Variants in GABRG3 observed in about 807,000 individuals in gnomAD.
The protein encoded by GABRG3 is gamma-aminobutyric acid receptor subunit gamma-3.
Under a neutral mutation model 48.8 loss-of-function variants are expected in GABRG3, and 25 were observed. The observed-to-expected ratio is 0.51, with a 90% CI of 0.37 to 0.72. The LOEUF is 0.72. Among genes scored for constraint, GABRG3 ranks in the 30% least tolerant of loss-of-function variants. The pLI is 0.00. For missense variants in GABRG3, 394 were observed against 577.9 expected (o/e 0.68, Z 3.26); for synonymous variants, 227 against 217.6 (o/e 1.04, Z -0.38).
At chr15:27,017,704 G>A (rs1207796865) in intron 2 of GABRG3, among the ~76,000 whole-genome samples, 1 of 152,228 alleles carries the variant, frequency 6.6e-6, no homozygotes, top group Non-Finnish European at 1.5e-5. Context: ...TTCCTACGGG[G>A]ACTTCTGTGT....
In GABRG3 at chr15:27,135,351, G is replaced by A. The variant is rs573131180; in HGVS notation, c.270+108530G>A. Among the ~76,000 whole-genome samples the A allele has an allele frequency of 5.3e-5, 8 of 152,268 alleles. 1 individual carries two copies. Among genetic ancestry groups the A allele is most frequent in the Admixed American group, 4.6e-4 (7 of 15,294 alleles). ...AGAGCTTCTTTGAATGAACATATGAGGGCTAATTTCCTAAGTGGCTGTTCT... is the reference window on the plus strand; with the variant it reads ...AGAGCTTCTTTGAATGAACATATGAAGGCTAATTTCCTAAGTGGCTGTTCT... On this transcript the variant is annotated intron_variant, in intron 3 of 9. Transcript: ENST00000615808.
intron 3 of GABRG3, among the ~76,000 whole-genome samples, chr15:27,292,527 T>G (rs1437839239): frequency 6.6e-6 from 1 of 152,210 alleles, no homozygotes; most frequent in East Asian, 1.9e-4. Context: ...ATTTTAATTA[T>G]GTATAACCAC....
chr15:27,219,498 G>A (rs1425309431), intron 3 of GABRG3, among the ~76,000 whole-genome samples: 1 of 152,170 alleles, frequency 6.6e-6, no homozygotes, highest in Admixed American at 6.5e-5. Flanking sequence ...ACCTGTGATG[G>A]GGCAGCTCAG....
intron 5 of GABRG3, among the ~76,000 whole-genome samples, chr15:27,437,162 T>A (rs1888644022): frequency 6.6e-6 from 1 of 151,896 alleles, no homozygotes; most frequent in South Asian, 2.1e-4. Flanking sequence ...CATGCTAACC[T>A]GTTAAAATTG....
At chr15:27,522,714 A>G (rs8041975) in intron 7 of GABRG3, among the ~76,000 whole-genome samples, 7,805 of 151,924 alleles carry the variant, frequency 0.051, 680 homozygotes, top group African/African-American at 0.18. Flanking sequence ...AGAAATAAAT[A>G]GGAGCATATA....
chr15:27,541,745 C>T lies in GABRG3; in HGVS notation c.*8864C>T, dbSNP rs2150869993. Reference sequence around the variant, plus strand: ...GGCGGTCCCGAGGTCCCGCCGCCCTCCTCCCCTGCGCAGAGGACGTGGCTC... The same window carrying T: ...GGCGGTCCCGAGGTCCCGCCGCCCTTCTCCCCTGCGCAGAGGACGTGGCTC... On this transcript the variant is annotated 3_prime_UTR_variant, in exon 10 of 10. Transcript: ENST00000615808. 6.6e-6 allele frequency: 1 copy of T among 152,392 alleles called. No homozygotes were observed. Among genetic ancestry groups the T allele is most frequent in the African/African-American group, 2.4e-5 (1 of 41,566 alleles). The allele number at this position is 152,392 out of a possible 1,614,324, so 9.4% of individuals were successfully genotyped here.
chr15:27,063,542 T>C (rs1445440348), intron 3 of GABRG3, among the ~76,000 whole-genome samples: 3 of 152,212 alleles, frequency 2.0e-5, no homozygotes, highest in Non-Finnish European at 2.9e-5. Flanking sequence ...GCCCTGACCA[T>C]GTGATGCGCC....
At chr15:27,154,216 G>A (rs1413393714) in intron 3 of GABRG3, among the ~76,000 whole-genome samples, 2 of 152,188 alleles carry the variant, frequency 1.3e-5, no homozygotes, top group Admixed American at 1.3e-4. Context: ...GTGGCATGGT[G>A]TAGCAAGAGG....
chr15:27,538,835 C>T lies in GABRG3; in HGVS notation c.*5954C>T, dbSNP rs1372740757. 2 of 152,116 alleles carry T rather than the reference C, an allele frequency of 1.3e-5. No homozygotes were observed. Among genetic ancestry groups the T allele is most frequent in the Non-Finnish European group, 1.5e-5 (1 of 68,030 alleles). The allele number at this position is 152,116 out of a possible 1,614,324, so 9.4% of individuals were successfully genotyped here. A position where few individuals can be genotyped will look rare whatever the true frequency, so the allele number is the denominator to read the frequency against. On this transcript the variant is annotated 3_prime_UTR_variant, in exon 10 of 10. Transcript: ENST00000615808. Reference sequence around the variant, plus strand: ...CCCAGTTGCCTCACTTACTGAAGTTCGATCCCAGTGAATGATGTGTATGTA... The same window carrying T: ...CCCAGTTGCCTCACTTACTGAAGTTTGATCCCAGTGAATGATGTGTATGTA...
chr15:27,384,772 T>C (rs1895873978), intron 5 of GABRG3, among the ~76,000 whole-genome samples: 1 of 152,176 alleles, frequency 6.6e-6, no homozygotes, highest in South Asian at 2.1e-4. Flanking sequence ...TCATAATATG[T>C]ATCAAAGTCT....
At chr15:27,527,124 T>C (rs1297068589) in intron 7 of GABRG3, among the ~76,000 whole-genome samples, 1 of 152,144 alleles carries the variant, frequency 6.6e-6, no homozygotes, top group Non-Finnish European at 1.5e-5. Flanking sequence ...GCACGGAACA[T>C]ATAGGACTGC....
intron 5 of GABRG3, among the ~76,000 whole-genome samples, chr15:27,415,841 G>A (rs1208314303): frequency 6.6e-6 from 1 of 150,548 alleles, no homozygotes. Context: ...TTTGTCCTAA[G>A]CAAATAGCCA....
chr15:27,309,191 T>A (rs1179831057), intron 3 of GABRG3, among the ~76,000 whole-genome samples: 1 of 149,602 alleles, frequency 6.7e-6, no homozygotes. Context: ...GAAACACATA[T>A]AATGTAAACA....
At chr15:27,497,012 C>G (rs1467629947) in intron 6 of GABRG3, among the ~76,000 whole-genome samples, 1 of 152,174 alleles carries the variant, frequency 6.6e-6, no homozygotes, top group South Asian at 2.1e-4. Context: ...TCAGCAGCAC[C>G]AAGCCCTGGC....
chr15:27,027,565 G>A (rs1300048557), intron 3 of GABRG3, among the ~76,000 whole-genome samples: 4 of 152,174 alleles, frequency 2.6e-5, no homozygotes, highest in South Asian at 4.1e-4. Flanking sequence ...TTCTGTGGAT[G>A]GAAATAACCC....
chr15:27,409,058 CT>C (rs1887720617), intron 5 of GABRG3, among the ~76,000 whole-genome samples: 1 of 151,818 alleles, frequency 6.6e-6, no homozygotes, highest in Admixed American at 6.6e-5. Flanking sequence ...ATGTCTGTAG[CT>C]TATCTTTTTA....
chr15:27,351,006 GTGTA>G (rs920587567), intron 5 of GABRG3, among the ~76,000 whole-genome samples: 2 of 150,348 alleles, frequency 1.3e-5, no homozygotes, highest in South Asian at 2.1e-4. Flanking sequence ...ATTTACTTGT[GTGTA>G]TGGTGTGTAT....
At chr15:27,348,328 C>T (rs1894448061) in intron 5 of GABRG3, among the ~76,000 whole-genome samples, 1 of 152,174 alleles carries the variant, frequency 6.6e-6, no homozygotes, top group Admixed American at 6.5e-5. Context: ...AAGGACCAAA[C>T]GGGGTCAAGA....
intron 3 of GABRG3, among the ~76,000 whole-genome samples, chr15:27,250,601 A>G (rs1412278848): frequency 6.6e-6 from 1 of 151,862 alleles, no homozygotes; most frequent in Non-Finnish European, 1.5e-5. Context: ...TAATTTTTGT[A>G]TTTCTAGTAG....
Sources: gnomAD v4.1 joint callset for allele counts (sites outside exome capture counted in the v4.1 genomes callset) on GRCh38, gnomAD v4.1.1 for gene constraint, MANE v1.5 for transcripts, NCBI Gene and HGNC (gene_info 2026-07-23, HGNC 2026-07-21) for gene names.